TMPRSS15: variants seen among roughly 807,000 people sequenced by gnomAD.
TMPRSS15 encodes the protein enteropeptidase.
In TMPRSS15, 128 loss-of-function variants were observed where a neutral mutation model predicts 125.3. That is an observed-to-expected ratio of 1.02 (90% CI 0.89 to 1.18). The LOEUF is 1.18. TMPRSS15 is among the 50% of genes most tolerant of loss of function. The pLI is 0.00. For missense variants in TMPRSS15, 1,283 were observed against 1,212.7 expected (o/e 1.06, Z -0.86); for synonymous variants, 446 against 423.2 (o/e 1.05, Z -0.66).
rs1022862594 is a variant in TMPRSS15 at position 18,277,326 on chromosome 21, CAAAAAAA to C, written c.2764+1631_2764+1637del. On this transcript the variant is annotated intron_variant, in intron 23 of 24. Coordinates refer to ENST00000284885, the MANE Select transcript of TMPRSS15 (RefSeq NM_002772.3). Reference sequence around the variant, plus strand: ...TCAGCTTTTAAAAAAAATCCAAAAACAAAAAAAACTTCCTATGAAATAAAGAGTTTCA... The same window carrying C: ...TCAGCTTTTAAAAAAAATCCAAAAACACTTCCTATGAAATAAAGAGTTTCA... Among the ~76,000 whole-genome samples the C allele has an allele frequency of 4.6e-5, 7 of 151,482 alleles. 1 individual carries two copies. The highest frequency in any genetic ancestry group is 4.6e-4 in the Admixed American group (7 of 15,216).
chr21:18,376,191 A>G (rs2075839750), intron 5 of TMPRSS15, among the ~76,000 whole-genome samples: 1 of 101,268 alleles, frequency 9.9e-6, no homozygotes, highest in Non-Finnish European at 2.0e-5. Flanking sequence ...ACTGTGTAGA[A>G]CAAATCTAGT....
intron 3 of TMPRSS15, among the ~76,000 whole-genome samples, chr21:18,396,804 GTCTGTCTATCTA>G (rs1303485730): frequency 9.0e-4 from 87 of 96,548 alleles, no homozygotes; most frequent in Non-Finnish European, 1.5e-3. Flanking sequence ...CTGTCTGTCT[GTCTGTCTATCTA>G]TCTATCTATC....
chr21:18,464,165 T>A (rs1978607883), intron 1 of TMPRSS15, among the ~76,000 whole-genome samples: 2 of 101,680 alleles, frequency 2.0e-5, no homozygotes, highest in Non-Finnish European at 1.8e-5. Context: ...AGAGTGAGAC[T>A]CCGTCTCAAA....
chr21:18,353,860 G>T lies in TMPRSS15; in HGVS notation c.884C>A (p.Ser295Tyr). ...TGTGCCAGGATTAGTTTCCCAAATA[G>T]AAGCTACAAAATAAAATAAACAACT... ...GVGSSKILRA[S>Y]IWETNPGTIR... is the part of the protein sequence containing the mutation. The change falls in exon 9 of 25, where the codon TCT becomes TAT. Residue 295 changes from serine (S) to tyrosine (Y), a missense_variant. Ser to Tyr is a moderately radical substitution (Grantham distance 144). Coordinates refer to ENST00000284885, the MANE Select transcript of TMPRSS15 (RefSeq NM_002772.3). 6.2e-7 allele frequency: 1 copy of T among 1,610,484 alleles called. No homozygotes were observed. Among genetic ancestry groups the T allele is most frequent in the Non-Finnish European group, 8.5e-7 (1 of 1,177,500 alleles).
intron 18 of TMPRSS15, among the ~76,000 whole-genome samples, chr21:18,306,394 G>C (rs953933975): frequency 6.6e-6 from 1 of 152,090 alleles, no homozygotes; most frequent in Non-Finnish European, 1.5e-5. Flanking sequence ...TTTTTGAAAG[G>C]CTTATTGAAA....
At position 18,283,833 on chromosome 21, in the gene TMPRSS15, T is replaced by A. The variant is rs1301856520; in HGVS notation, c.2487-2612A>T. ...CCCAAATTCTTCTTTGTAAATACTA[T>A]ACTTTATCTGAGAACTAATCAACAT... On this transcript the variant is annotated intron_variant, in intron 21 of 24. Transcript: ENST00000284885. Among the ~76,000 whole-genome samples, 11 of 152,214 alleles carry A rather than the reference T, an allele frequency of 7.2e-5. No homozygotes were observed. In the South Asian group the frequency reaches 1.2e-3, roughly 17 times the overall value.
intron 1 of TMPRSS15, among the ~76,000 whole-genome samples, chr21:18,416,690 CTTTAAA>C (rs1404955955): frequency 6.6e-6 from 1 of 151,972 alleles, no homozygotes; most frequent in Non-Finnish European, 1.5e-5. Context: ...TTGTAAAGAA[CTTTAAA>C]TTTAGTTATC....
rs2075798469 is a variant in TMPRSS15, at chr21:18,372,178, G to A, written c.664+15C>T. On this transcript the variant is annotated intron_variant, in intron 6 of 24. Coordinates refer to ENST00000284885, the MANE Select transcript of TMPRSS15 (RefSeq NM_002772.3). ...GGATAAAACAGAAGGGGAGAGAGTA[G>A]GGGGGAGAACTTACCACACATTTTA... is the stretch of plus-strand genomic sequence containing the variant. 1 of 1,590,780 alleles carries A rather than the reference G, an allele frequency of 6.3e-7. No homozygotes were observed.
chr21:18,432,900 T>C (rs951661531), intron 1 of TMPRSS15, among the ~76,000 whole-genome samples: 1 of 152,188 alleles, frequency 6.6e-6, no homozygotes, highest in Non-Finnish European at 1.5e-5. Flanking sequence ...ATGATGTGAT[T>C]TTTTTTCTTC....
intron 18 of TMPRSS15, among the ~76,000 whole-genome samples, chr21:18,302,411 G>A (rs2074983105): frequency 6.6e-6 from 1 of 152,108 alleles, no homozygotes. Flanking sequence ...GGGCAGGTAG[G>A]TAGAAATGCC....
intron 1 of TMPRSS15, among the ~76,000 whole-genome samples, chr21:18,414,475 C>T (rs1569064268): frequency 6.6e-6 from 1 of 152,174 alleles, no homozygotes; most frequent in Non-Finnish European, 1.5e-5. Flanking sequence ...GTTTATCTTG[C>T]ATAATTACAA....
At chr21:18,369,967 C>T (rs575171948) in intron 6 of TMPRSS15, among the ~76,000 whole-genome samples, 4 of 40,136 alleles carry the variant, frequency 1.0e-4, no homozygotes, top group African/African-American at 2.2e-4. Flanking sequence ...ATAATACTTA[C>T]TTAAACGAAA....
chr21:18,476,504 C>T (rs1473425166), intron 1 of TMPRSS15, among the ~76,000 whole-genome samples: 1 of 152,068 alleles, frequency 6.6e-6, no homozygotes, highest in Non-Finnish European at 1.5e-5. Flanking sequence ...ATAAAAAATA[C>T]ATGAAAACAT....
In TMPRSS15 at chr21:18,286,251, T is replaced by C. The variant is rs532566337; in HGVS notation, c.2487-5030A>G. On this transcript the variant is annotated intron_variant, in intron 21 of 24. Coordinates refer to ENST00000284885, the MANE Select transcript of TMPRSS15 (RefSeq NM_002772.3). ...TCTAAATTTTAGAATATCCCAGGGG[T>C]CTGCCTTCGGCCTTCTCTTTTATAT... 2.0e-5 allele frequency among the ~76,000 whole-genome samples: 3 copies of C among 152,290 alleles called. No homozygotes were observed. In the East Asian group the frequency reaches 5.8e-4, roughly 29 times the overall value.
chr21:18,300,151 C>G (rs1237872426), intron 18 of TMPRSS15, among the ~76,000 whole-genome samples: 1 of 151,782 alleles, frequency 6.6e-6, no homozygotes, highest in Non-Finnish European at 1.5e-5. Context: ...TCTTGGATAT[C>G]TCTTTTAAGA....
chr21:18,407,202 T>C (rs1408981376), upstream of TMPRSS15, among the ~76,000 whole-genome samples: 1 of 152,126 alleles, frequency 6.6e-6, no homozygotes, highest in East Asian at 1.9e-4. Context: ...ACAAGGTGTA[T>C]TTGTATTGCA....
At chr21:18,406,251 G>A (rs1349032725), upstream of TMPRSS15, among the ~76,000 whole-genome samples, 2 of 152,088 alleles carry the variant, frequency 1.3e-5, no homozygotes, top group African/African-American at 2.4e-5. Context: ...TCCCACTTAG[G>A]GGGAAATAGA....
intron 5 of TMPRSS15, among the ~76,000 whole-genome samples, chr21:18,374,266 G>T: frequency 6.6e-6 from 1 of 151,614 alleles, no homozygotes; most frequent in Middle Eastern, 3.4e-3. Flanking sequence ...GAGGTCAGGA[G>T]ATCGAGACCA....
intron 1 of TMPRSS15, among the ~76,000 whole-genome samples, chr21:18,420,364 G>A (rs916279280): frequency 6.6e-6 from 1 of 152,126 alleles, no homozygotes; most frequent in Non-Finnish European, 1.5e-5. Context: ...GTAGCTAGGT[G>A]GCAGTTTGTG....
Sources: gnomAD v4.1 joint callset for allele counts (sites outside exome capture counted in the v4.1 genomes callset) on GRCh38, gnomAD v4.1.1 for gene constraint, MANE v1.5 for transcripts, NCBI Gene and HGNC (gene_info 2026-07-23, HGNC 2026-07-21) for gene names.